COMMD3: variants seen among roughly 807,000 people sequenced by gnomAD.
COMMD3 encodes the protein COMM domain-containing protein 3.
COMMD3 carries 31 observed loss-of-function variants against 31.2 expected under a neutral mutation model. The ratio of observed to expected loss-of-function variants is 0.99; its 90% CI spans 0.75 to 1.34. COMMD3 has a LOEUF of 1.34. Ranked by LOEUF, COMMD3 falls within the 40% of genes most tolerant of loss-of-function variation. COMMD3 has a pLI of 0.00. For synonymous variants in COMMD3, 108 were observed against 87.3 expected (o/e 1.24, Z -1.32); for missense variants, 274 against 236.9 (o/e 1.16, Z -1.03).
At chr10:22,318,767 A>G (rs1276104706) in intron 5 of COMMD3, 39 bp from the exon 6 acceptor site, 2 of 1,613,440 alleles carry the variant, frequency 1.2e-6, no homozygotes, top group South Asian at 1.1e-5. Context: ...CTTAAAACCT[A>G]GAGTTAAAAG....
At chr10:22,316,749 C>A in intron 1 of COMMD3, 193 bp downstream of exon 1, 1 of 963,058 alleles carries the variant, frequency 1.0e-6, no homozygotes, top group Non-Finnish European at 1.4e-6. Context: ...TGTTTTGGCC[C>A]CACTTGGCAC....
chr10:22,317,757 C>A (rs1588614029), intron 1 of COMMD3, 127 bp from the exon 2 acceptor site: 1 of 832,208 alleles, frequency 1.2e-6, no homozygotes, highest in Non-Finnish European at 1.9e-6. Context: ...TTATAATTGA[C>A]TGTCCTTATA....
chr10:22,318,110 A>C lies in COMMD3; in HGVS notation c.257A>C (p.Tyr86Ser). 1 of 1,612,696 alleles carries C rather than the reference A, an allele frequency of 6.2e-7. No individual in the cohort carries two copies. Among genetic ancestry groups the C allele is most frequent in the Non-Finnish European group, 8.5e-7 (1 of 1,179,676 alleles). ...HRADKSTLST[Y>S]LEDCKFDRER... ...TTTTTTTTTCTTTCTTCTAGCACTT[A>C]TCTAGAAGACTGTAAATTTGACAGA... Residue 86 changes from tyrosine to serine, a missense_variant, in exon 3 of 8, where the codon TAT becomes TCT. Tyr to Ser is a moderately radical substitution (Grantham distance 144, BLOSUM62 -2). Transcript: ENST00000376836.
intron 1 of COMMD3, 131 bp downstream of exon 1, chr10:22,316,687 A>G (rs1055968149): frequency 3.7e-6 from 5 of 1,348,296 alleles, no homozygotes; most frequent in Non-Finnish European, 4.8e-6. Flanking sequence ...TTCGCTCCGG[A>G]CGGAGTGTTG....
chr10:22,317,267 A>C (rs1254925504), intron 1 of COMMD3, among the ~76,000 whole-genome samples: 1 of 152,128 alleles, frequency 6.6e-6, no homozygotes, highest in African/African-American at 2.4e-5. Context: ...CAACAATTCA[A>C]ATTTTTGTTT....
chr10:22,316,714 A>G (rs947106747), intron 1 of COMMD3, 158 bp downstream of exon 1: 9 of 1,284,558 alleles, frequency 7.0e-6, no homozygotes, highest in Non-Finnish European at 9.1e-6. Context: ...TGGCTCTGCC[A>G]GGACTCGGAG....
chr10:22,318,620 G>A, intron 4 of COMMD3, 33 bp from the exon 5 acceptor site: 1 of 1,577,060 alleles, frequency 6.3e-7, no homozygotes, highest in Non-Finnish European at 8.7e-7. Flanking sequence ...CTTCTGAGGA[G>A]ACTATGTACG....
At chr10:22,318,198 G>A (rs755948523) in intron 3 of COMMD3, 30 bp downstream of exon 3, 5 of 1,596,846 alleles carry the variant, frequency 3.1e-6, no homozygotes, top group East Asian at 2.2e-5. Context: ...TTAATTAACA[G>A]TACTATTTTT....
intron 7 of COMMD3, chr10:22,319,269 T>C (rs1253908572): frequency 1.1e-5 from 4 of 368,612 alleles, no homozygotes; most frequent in Non-Finnish European, 1.4e-5. Context: ...ACTTCTGTAG[T>C]GTTTAGTGTA....
chr10:22,316,596 G>A, intron 1 of COMMD3, 40 bp downstream of exon 1: 1 of 1,447,520 alleles, frequency 6.9e-7, no homozygotes, highest in East Asian at 2.8e-5. Context: ...ATCCGCCGGG[G>A]TGGAGGGGCG....
At position 22,316,499 on chromosome 10, in the gene COMMD3, C is replaced by T. The variant is rs774405221; in HGVS notation, c.82C>T (p.Leu28Phe). ...CTTCGACTCCAACGCCTTCACGCTT[C>T]TCCTCCGGGCGGCATTCCAGAGTCT... ...RSFDSNAFTLLLRAAFQSLLD... is the reference protein window; with the variant it reads ...RSFDSNAFTLFLRAAFQSLLD... Residue 28 changes from leucine to phenylalanine, a missense_variant, in exon 1 of 8, where the codon CTC becomes TTC. Physicochemically the swap from Leu to Phe is conservative, Grantham distance 22 (BLOSUM62 0). Coordinates refer to ENST00000376836, the MANE Select transcript of COMMD3 (RefSeq NM_012071.4). The T allele has an allele frequency of 1.9e-6, 3 of 1,550,400 alleles. No individual in the cohort carries two copies. The highest frequency in any genetic ancestry group is 2.7e-5 in the African/African-American group (2 of 73,044).
rs772094249 is a variant in COMMD3, at chr10:22,319,942, T to G, written c.532T>G (p.Leu178Val). Residue 178 changes from leucine to valine, a missense_variant, in exon 8 of 8, where the codon TTG becomes GTG. Physicochemically the swap from Leu to Val is conservative, Grantham distance 32 (BLOSUM62 1). Coordinates refer to ENST00000376836, the MANE Select transcript of COMMD3 (RefSeq NM_012071.4). ...FSCSMEQLQDLVGKLKDASKS... is the reference protein window; with the variant it reads ...FSCSMEQLQDVVGKLKDASKS... ...GTATTGTATACACGTCTTTTAGGAC[T>G]TGGTGGGGAAACTTAAAGATGCTTC... 10 of 1,613,996 alleles carry G rather than the reference T, an allele frequency of 6.2e-6. No individual in the cohort carries two copies. Among genetic ancestry groups the G allele is most frequent in the African/African-American group, 2.7e-5 (2 of 74,916 alleles).
rs201107890 is a variant in COMMD3 at position 22,318,009 on chromosome 10, T to G, written c.251+14T>G. 2.8e-4 allele frequency: 448 copies of G among 1,612,364 alleles called. 3 individuals are homozygous for G. The Middle Eastern group carries it at 3.6e-3, about 13-fold the overall frequency. On this transcript the variant is annotated intron_variant, in intron 2 of 7. Transcript: ENST00000376836. Reference sequence around the variant, plus strand: ...GTCAACTCTAAGGTACAGGATTTATTTAAATATCCATTTATTTTCAAATAC... The same window carrying G: ...GTCAACTCTAAGGTACAGGATTTATGTAAATATCCATTTATTTTCAAATAC...
At position 22,316,464 on chromosome 10, in the gene COMMD3, A is replaced by G. The variant is rs1304500743; in HGVS notation, c.47A>G (p.Asp16Gly). 1.9e-6 allele frequency: 3 copies of G among 1,550,456 alleles called. No individual in the cohort carries two copies. Among genetic ancestry groups the G allele is most frequent in the Admixed American group, 3.9e-5 (2 of 51,016 alleles). Residue 16 changes from aspartate to glycine, a missense_variant, in exon 1 of 8, where the codon GAT (aspartate) becomes GGT (glycine). Transcript: ENST00000376836. ...CAGAAAGGCTTCCAGATGCTGGCGG[A>G]TCCCCGCTCCTTCGACTCCAACGCC... The part of the protein sequence containing the change: ...SVQKGFQMLA[D>G]PRSFDSNAFT...
rs1005374085 is a variant in COMMD3, at chr10:22,318,855, G to C, written c.461G>C (p.Ser154Thr). 2 of 1,613,592 alleles carry C rather than the reference G, an allele frequency of 1.2e-6. No homozygotes were observed. Among genetic ancestry groups the C allele is most frequent in the Non-Finnish European group, 1.7e-6 (2 of 1,179,708 alleles). The change falls in exon 6 of 8, where the codon AGT (serine) becomes ACT (threonine). Residue 154 changes from serine to threonine, a missense_variant. Physicochemically the swap from Ser to Thr is moderately conservative, Grantham distance 58. Coordinates refer to ENST00000376836, the MANE Select transcript of COMMD3 (RefSeq NM_012071.4). ...AGACCTGCATATTTGGTGACCTTAA[G>C]TGTACAGGTATTTATAGATAAGTCT... is the stretch of plus-strand genomic sequence containing the variant. ...MYRPAYLVTL[S>T]VQNTDSPSYP...
chr10:22,319,728 G>C (rs181248798), intron 7 of COMMD3: 5 of 552,828 alleles, frequency 9.0e-6, no homozygotes, highest in Middle Eastern at 4.9e-4. Flanking sequence ...TCATGTTTCA[G>C]TGTGAGGGCA....
At chr10:22,318,332 T>G in intron 4 of COMMD3, 26 bp downstream of exon 4, 1 of 1,581,238 alleles carries the variant, frequency 6.3e-7, no homozygotes, top group Non-Finnish European at 8.5e-7. Flanking sequence ...GGTGTCAAGC[T>G]GAGGCACTTT....
chr10:22,316,662 C>G, intron 1 of COMMD3, 106 bp downstream of exon 1: 1 of 1,365,792 alleles, frequency 7.3e-7, no homozygotes, highest in Non-Finnish European at 9.5e-7. Flanking sequence ...AAGAGGAAGT[C>G]TCCGGGCTTT....
In COMMD3 at chr10:22,318,307, G is replaced by A. The variant is rs1194880803; in HGVS notation, c.350+1G>A. ...ATTCCCTAGAAATCCTACTGGGAAG[G>A]TAGGTACTGTATAAGGTGTCAAGCT... On this transcript the variant is annotated splice_donor_variant, in intron 4 of 7. Coordinates refer to ENST00000376836, the MANE Select transcript of COMMD3 (RefSeq NM_012071.4). LOFTEE classifies it high-confidence loss of function. 6.2e-7 allele frequency: 1 copy of A among 1,602,716 alleles called. No individual in the cohort carries two copies. The highest frequency in any genetic ancestry group is 8.5e-7 in the Non-Finnish European group (1 of 1,177,192).
Sources: gnomAD v4.1 joint callset for allele counts (sites outside exome capture counted in the v4.1 genomes callset) on GRCh38, gnomAD v4.1.1 for gene constraint, MANE v1.5 for transcripts, NCBI Gene and HGNC (gene_info 2026-07-23, HGNC 2026-07-21) for gene names.